The following GRIN3A variants were observed in gnomAD, a reference collection of about 807,000 sequenced individuals.
The protein encoded by GRIN3A is glutamate receptor ionotropic, NMDA 3A.
In GRIN3A, 47 loss-of-function variants were observed where a neutral mutation model predicts 92.4. The observed-to-expected ratio is 0.51, with a 90% CI of 0.40 to 0.65. The LOEUF (loss-of-function observed/expected upper bound fraction) is 0.65. Among genes scored for constraint, GRIN3A ranks in the 30% least tolerant of loss-of-function variants. The pLI, the probability that GRIN3A is intolerant of heterozygous loss-of-function variation, is 0.00. For synonymous variants in GRIN3A, 527 were observed against 540.6 expected, an observed-to-expected ratio of 0.97 and a Z score of 0.35; for missense variants, 1,324 against 1,393.1, an observed-to-expected ratio of 0.95 and a Z score of 0.79.
rs148421539 is a variant in GRIN3A at position 101,710,055 on chromosome 9, C to T, written c.700-22855G>A. On this transcript the variant is annotated intron_variant, in intron 1 of 8. Coordinates refer to ENST00000361820, the MANE Select transcript of GRIN3A (RefSeq NM_133445.3). ...CTGGAAATCCTGTTTTAGAGAACTC[C>T]GGGTGAATCTCAGTGATTTTGGGGT... Among the ~76,000 whole-genome samples, 491 of 152,104 alleles carry T rather than the reference C, an allele frequency of 3.2e-3. 1 individual carries two copies. The highest frequency in any genetic ancestry group is 0.011 in the African/African-American group (454 of 41,512).
intron 2 of GRIN3A, among the ~76,000 whole-genome samples, chr9:101,677,989 C>T (rs1266291925): frequency 1.3e-5 from 2 of 152,142 alleles, no homozygotes; most frequent in East Asian, 3.9e-4. Flanking sequence ...AGAGCAGCAT[C>T]TTCCACAGAA....
chr9:101,609,969 A>T (rs1007683455), intron 6 of GRIN3A, among the ~76,000 whole-genome samples: 1 of 152,178 alleles, frequency 6.6e-6, no homozygotes, highest in African/African-American at 2.4e-5. Flanking sequence ...AAAGCACTGG[A>T]ATTACAGGCA....
chr9:101,595,034 C>T lies in GRIN3A; in HGVS notation c.2767-15674G>A. 5 of 1,276,526 alleles carry T rather than the reference C, an allele frequency of 3.9e-6. No homozygotes were observed. In the East Asian group the frequency reaches 1.2e-4, roughly 30 times the overall value. The allele number at this position is 1,276,526 out of a possible 1,614,324, so 79.1% of individuals were successfully genotyped here. The stretch of plus-strand genomic sequence containing the variant: ...TGGGCCATGGGGTGGGGGTAGAGGG[C>T]TCCCGGGGGCCCTGGTCGAGCAAAA... On this transcript the variant is annotated intron_variant, in intron 6 of 8. Transcript: ENST00000361820.
In GRIN3A at chr9:101,572,899, A is replaced by C. The variant is rs1361848641; in HGVS notation, c.*275T>G. The C allele has an allele frequency of 2.2e-6, 1 of 453,048 alleles. No homozygotes were observed. The highest frequency in any genetic ancestry group is 3.4e-5 in the Admixed American group (1 of 29,410). 28.1% of individuals were successfully genotyped at this position (453,048 alleles called of 1,614,324 possible). ...GGCACCTGGTGAAAAGGTTAACGGC[A>C]GCTGGGGTTATCTGGTTATTCACAG... is the stretch of plus-strand genomic sequence containing the variant. On this transcript the variant is annotated 3_prime_UTR_variant, in exon 9 of 9. Coordinates refer to ENST00000361820, the MANE Select transcript of GRIN3A (RefSeq NM_133445.3).
At chr9:101,620,152 G>A (rs1381123692) in intron 5 of GRIN3A, among the ~76,000 whole-genome samples, 1 of 152,124 alleles carries the variant, frequency 6.6e-6, no homozygotes, top group Non-Finnish European at 1.5e-5. Flanking sequence ...TAGACTGGGA[G>A]ACTTAAAAAC....
At chr9:101,697,904 T>C (rs1361378328) in intron 1 of GRIN3A, among the ~76,000 whole-genome samples, 2 of 152,208 alleles carry the variant, frequency 1.3e-5, no homozygotes, top group South Asian at 4.1e-4. Flanking sequence ...TAAATGATAC[T>C]TGTGGTTAAT....
chr9:101,714,729 G>T (rs1389006483), intron 1 of GRIN3A, among the ~76,000 whole-genome samples: 1 of 151,876 alleles, frequency 6.6e-6, no homozygotes, highest in Non-Finnish European at 1.5e-5. Flanking sequence ...TTTTTTCTGG[G>T]ATTAAAAAAA....
intron 8 of GRIN3A, 63 bp from the exon 9 acceptor site, chr9:101,573,576 T>G (rs569024282): frequency 7.7e-7 from 1 of 1,294,832 alleles, no homozygotes; most frequent in South Asian, 1.2e-5. Flanking sequence ...GCTGTCTTCA[T>G]CTGTTAGCCA....
At chr9:101,715,181 C>T (rs1588295023) in intron 1 of GRIN3A, among the ~76,000 whole-genome samples, 1 of 107,664 alleles carries the variant, frequency 9.3e-6, no homozygotes, top group African/African-American at 3.5e-5. Context: ...TATCATGGGA[C>T]ATTTTGTGAC....
intron 3 of GRIN3A, among the ~76,000 whole-genome samples, chr9:101,653,128 G>T (rs1378280633): frequency 1.3e-5 from 2 of 151,878 alleles, no homozygotes; most frequent in African/African-American, 4.8e-5. Context: ...TTCCAAGTAT[G>T]AATGGTTATT....
chr9:101,591,986 G>A (rs1476567664), intron 6 of GRIN3A: 2 of 152,224 alleles, frequency 1.3e-5, no homozygotes, highest in Non-Finnish European at 2.9e-5. Flanking sequence ...GCACATTGCA[G>A]GGTGTATAAA....
At chr9:101,644,818 C>T (rs911735676) in intron 3 of GRIN3A, among the ~76,000 whole-genome samples, 1 of 151,782 alleles carries the variant, frequency 6.6e-6, no homozygotes, top group Non-Finnish European at 1.5e-5. Context: ...TTTCTCTATA[C>T]CCCCATTTTC....
intron 6 of GRIN3A, among the ~76,000 whole-genome samples, chr9:101,580,383 C>A (rs1202477535): frequency 6.6e-6 from 1 of 152,130 alleles, no homozygotes; most frequent in African/African-American, 2.4e-5. Context: ...TGGAGTTGTG[C>A]CAAGGCCCTG....
At chr9:101,667,676 TATA>T (rs1829258838) in intron 3 of GRIN3A, among the ~76,000 whole-genome samples, 1 of 152,006 alleles carries the variant, frequency 6.6e-6, no homozygotes, top group Admixed American at 6.6e-5. Flanking sequence ...GTAACTACGG[TATA>T]ATAAGAGTAC....
chr9:101,685,249 C>CATAT (rs71356377), intron 2 of GRIN3A, among the ~76,000 whole-genome samples: 26,314 of 149,310 alleles, frequency 0.18, 2,863 homozygotes, highest in Non-Finnish European at 0.24. Flanking sequence ...TTTATACATA[C>CATAT]ATATATATAT....
chr9:101,729,964 C>G (rs184881538), intron 1 of GRIN3A, among the ~76,000 whole-genome samples: 3 of 152,238 alleles, frequency 2.0e-5, no homozygotes, highest in African/African-American at 4.8e-5. Flanking sequence ...CTATTGTTCC[C>G]TGAGTTTAGT....
chr9:101,651,336 A>T (rs1172163760), intron 3 of GRIN3A, among the ~76,000 whole-genome samples: 1 of 151,960 alleles, frequency 6.6e-6, no homozygotes, highest in East Asian at 1.9e-4. Context: ...AGCAAACCAG[A>T]TAATTACAGA....
chr9:101,707,810 C>A (rs984716053), intron 1 of GRIN3A, among the ~76,000 whole-genome samples: 1 of 152,160 alleles, frequency 6.6e-6, no homozygotes. Context: ...TTGGAATACT[C>A]CCTTTCAGAA....
At chr9:101,591,660 A>G (rs535874239) in intron 6 of GRIN3A, 1 of 152,254 alleles carries the variant, frequency 6.6e-6, no homozygotes, top group Non-Finnish European at 1.5e-5. Context: ...AACTGTATAG[A>G]ACTAGATTTG....
Sources: gnomAD v4.1 joint callset for allele counts (sites outside exome capture counted in the v4.1 genomes callset) on GRCh38, gnomAD v4.1.1 for gene constraint, MANE v1.5 for transcripts, NCBI Gene and HGNC (gene_info 2026-07-23, HGNC 2026-07-21) for gene names.